Variants in ITSN2 observed in about 807,000 individuals in gnomAD.
ITSN2 encodes intersectin-2.
ITSN2 carries 156 observed loss-of-function variants against 243.7 expected under a neutral mutation model. The ratio of observed to expected loss-of-function variants is 0.64; its 90% CI spans 0.56 to 0.73. The LOEUF is 0.73. ITSN2 is among the 30% of genes least tolerant of loss of function. The probability of loss-of-function intolerance (pLI) is 0.00; values close to 1 mark genes in which losing one functional copy is unlikely to be tolerated. For synonymous variants in ITSN2, 703 were observed against 699.9 expected, an observed-to-expected ratio of 1.00 and a Z score of -0.07; for missense variants, 1,801 against 1,996.1, an observed-to-expected ratio of 0.90 and a Z score of 1.86.
intron 20 of ITSN2, among the ~76,000 whole-genome samples, chr2:24,266,600 T>C (rs188558799): frequency 1.2e-3 from 175 of 152,112 alleles, no homozygotes; most frequent in African/African-American, 4.0e-3. Flanking sequence ...ACTTATGAAA[T>C]ATTATCCTGT....
At chr2:24,347,829 T>C (rs1687685955) in intron 1 of ITSN2, among the ~76,000 whole-genome samples, 1 of 152,052 alleles carries the variant, frequency 6.6e-6, no homozygotes, top group Non-Finnish European at 1.5e-5. Context: ...CCTAGCGCTT[T>C]TGGGAGGCCA....
intron 1 of ITSN2, among the ~76,000 whole-genome samples, chr2:24,347,031 A>AC (rs1553399414): frequency 1.3e-5 from 2 of 151,492 alleles, no homozygotes; most frequent in Non-Finnish European, 2.9e-5. Flanking sequence ...CGCCCAGCTA[A>AC]TTTTTTTTGT....
At chr2:24,261,321 A>C in intron 21 of ITSN2, 71 bp from the exon 22 acceptor site, 1 of 1,151,754 alleles carries the variant, frequency 8.7e-7, no homozygotes, top group Non-Finnish European at 1.3e-6. Context: ...CCAATTTATC[A>C]ACTTACATAT....
At chr2:24,275,952 G>T in intron 17 of ITSN2, 103 bp from the exon 18 acceptor site, 1 of 811,548 alleles carries the variant, frequency 1.2e-6, no homozygotes, top group Non-Finnish European at 1.8e-6. Flanking sequence ...CCTATAGCAA[G>T]TTGAACTAAA....
At chr2:24,354,829 G>C (rs1688306339) in intron 1 of ITSN2, among the ~76,000 whole-genome samples, 1 of 152,130 alleles carries the variant, frequency 6.6e-6, no homozygotes. Context: ...TAAAACAAAT[G>C]TTTACCGTCT....
At chr2:24,247,997 C>T (rs1673603719) in intron 27 of ITSN2, among the ~76,000 whole-genome samples, 2 of 152,122 alleles carry the variant, frequency 1.3e-5, no homozygotes, top group Non-Finnish European at 2.9e-5. Flanking sequence ...CTCCATACTA[C>T]AATTATATAT....
chr2:24,258,083 A>T lies in ITSN2; in HGVS notation c.2693T>A (p.Val898Glu). 6.2e-7 allele frequency: 1 copy of T among 1,613,718 alleles called. No homozygotes were observed. Among genetic ancestry groups the T allele is most frequent in the East Asian group, 2.2e-5 (1 of 44,860 alleles). The part of the protein sequence containing the change: ...VSPIHGQGQV[V>E]ENLKAQALCS... ...AAGGGCCTGTGCTTTTAAGTTTTCT[A>T]CCACTTGTCCCTATGAATACAAAAC... The change falls in exon 23 of 40, where the codon GTA becomes GAA. Residue 898 changes from valine (V) to glutamate (E), a missense_variant. Coordinates refer to ENST00000355123, the MANE Select transcript of ITSN2 (RefSeq NM_006277.3).
At chr2:24,240,981 A>G (rs1408776870) in intron 29 of ITSN2, 2 of 152,150 alleles carry the variant, frequency 1.3e-5, no homozygotes, top group African/African-American at 4.8e-5. Flanking sequence ...AAAGTAGCCA[A>G]TATGGTTGAA....
intron 25 of ITSN2, among the ~76,000 whole-genome samples, chr2:24,250,749 G>A (rs771909103): frequency 1.3e-5 from 2 of 151,964 alleles, no homozygotes; most frequent in South Asian, 2.1e-4. Flanking sequence ...AAGAACATTG[G>A]TAGATATCTG....
At position 24,358,488 on chromosome 2, in the gene ITSN2, A is replaced by G. The variant is rs1688656745; in HGVS notation, c.-34+1816T>C. Among the ~76,000 whole-genome samples the G allele has an allele frequency of 3.9e-5, 6 of 152,206 alleles. 1 individual carries two copies. The highest frequency in any genetic ancestry group is 3.9e-4 in the Admixed American group (6 of 15,284). Reference sequence around the variant, plus strand: ...TCGATAAATGACAACCATGGTAAACATATTTTATACTGAAGAAAGTATAGT... The same window carrying G: ...TCGATAAATGACAACCATGGTAAACGTATTTTATACTGAAGAAAGTATAGT... On this transcript the variant is annotated intron_variant, in intron 1 of 39. Coordinates refer to ENST00000355123, the MANE Select transcript of ITSN2 (RefSeq NM_006277.3).
At chr2:24,308,567 T>C in intron 8 of ITSN2, 50 bp downstream of exon 8, 1 of 1,179,510 alleles carries the variant, frequency 8.5e-7, no homozygotes, top group Non-Finnish European at 1.1e-6. Flanking sequence ...TCAGTGGAAG[T>C]CCACATAAAA....
rs1331081172 is a variant in ITSN2, at chr2:24,204,390, G to C, written c.4791C>G (p.Ser1597Arg). The C allele has an allele frequency of 6.2e-7, 1 of 1,614,110 alleles. No individual in the cohort carries two copies. The highest frequency in any genetic ancestry group is 1.1e-5 in the South Asian group (1 of 91,080). The part of the protein sequence containing the change: ...NGKSNPYCEI[S>R]MGSQSYTTRT... ...TGGTGGTGTAGCTCTGGGAGCCCATGCTGATTTCACAGTATGGGTTGCTCT... is the reference window on the plus strand; with the variant it reads ...TGGTGGTGTAGCTCTGGGAGCCCATCCTGATTTCACAGTATGGGTTGCTCT... The change falls in exon 39 of 40, where the codon AGC becomes AGG. Residue 1597 changes from serine to arginine, a missense_variant. Physicochemically the swap from Ser to Arg is moderately radical, Grantham distance 110. This residue lies in a region of ITSN2 where 928 missense variants were observed against 1,065.4 expected (regional missense o/e 0.87). Transcript: ENST00000355123. This position sits in a 1 kb window ranked among gnomAD's most constrained non-coding sequence, Gnocchi z 5.1.
At chr2:24,281,763 T>C (rs1230016854) in intron 17 of ITSN2, among the ~76,000 whole-genome samples, 1 of 152,212 alleles carries the variant, frequency 6.6e-6, no homozygotes, top group East Asian at 1.9e-4. Flanking sequence ...CTTCCTAATC[T>C]TCCATCCATT....
chr2:24,250,004 T>C (rs927870695), intron 25 of ITSN2, among the ~76,000 whole-genome samples: 1 of 152,190 alleles, frequency 6.6e-6, no homozygotes. Context: ...GGTAGTGTTC[T>C]TCACCGCCAT....
At chr2:24,216,278 AG>A (rs1669948188) in intron 31 of ITSN2, 46 bp from the exon 32 acceptor site, 1 of 1,450,844 alleles carries the variant, frequency 6.9e-7, no homozygotes, top group Non-Finnish European at 9.3e-7. Context: ...TGAATGACTT[AG>A]GTAATTAAAG....
Position 24,271,815 on chromosome 2 carries a change from C to T in ITSN2, c.2208G>A (p.Glu736=), listed in dbSNP as rs760651523. 1.2e-6 allele frequency: 2 copies of T among 1,607,950 alleles called. No homozygotes were observed. The highest frequency in any genetic ancestry group is 1.3e-5 in the African/African-American group (1 of 74,410). The change falls in exon 19 of 40, where the codon GAG becomes GAA. Residue 736 remains glutamate, a synonymous_variant. Transcript: ENST00000355123. The part of the protein sequence containing the change: ...EKIQEEERKA[E]EKQRKDKDTL... ...TATCCTTATCCTTACGTTGTTTCTCCTCAGCTTTCCGTTCCTCTTCTTGAA... is the reference window on the plus strand; with the variant it reads ...TATCCTTATCCTTACGTTGTTTCTCTTCAGCTTTCCGTTCCTCTTCTTGAA...
At chr2:24,261,287 T>TTGATATAA in intron 21 of ITSN2, 37 bp from the exon 22 acceptor site, 23 of 1,470,970 alleles carry the variant, frequency 1.6e-5, no homozygotes, top group Non-Finnish European at 2.1e-5. Flanking sequence ...TATATTTATT[T>TTGATATAA]GTTTAGAACT....
intron 29 of ITSN2, chr2:24,221,478 C>T (rs1670443951): frequency 6.4e-6 from 1 of 156,984 alleles, no homozygotes; most frequent in Non-Finnish European, 1.4e-5. Flanking sequence ...CTGGTCAGGC[C>T]CAGCATTAAA....
intron 29 of ITSN2, among the ~76,000 whole-genome samples, chr2:24,238,465 A>G (rs17046192): frequency 0.41 from 61,731 of 152,060 alleles, 15,598 homozygotes; most frequent in Admixed American, 0.59. Flanking sequence ...ACGACCACCA[A>G]CATGATTAAC....
Sources: allele counts gnomAD v4.1 joint callset (sites outside exome capture counted in the v4.1 genomes callset), GRCh38; gene constraint gnomAD v4.1.1; regional missense constraint gnomAD v4.1.1; non-coding constraint Gnocchi (gnomAD v3.1); transcripts MANE v1.5; gene names NCBI Gene and HGNC (gene_info 2026-07-23, HGNC 2026-07-21).